Variants in FMN1 observed in about 807,000 individuals in gnomAD.
FMN1 encodes formin 1.
Under a neutral mutation model 132.4 loss-of-function variants are expected in FMN1, and 110 were observed. The observed-to-expected ratio is 0.83, with a 90% CI of 0.71 to 0.97. The LOEUF (loss-of-function observed/expected upper bound fraction) is 0.97. FMN1 is among the 50% of genes least tolerant of loss of function. The pLI is 0.00. For missense variants in FMN1, 1,792 were observed against 1,705.3 expected (o/e 1.05, Z -0.90); for synonymous variants, 722 against 651.7 (o/e 1.11, Z -1.64).
intron 4 of FMN1, among the ~76,000 whole-genome samples, chr15:33,122,355 C>G (rs1962646262): frequency 6.6e-6 from 1 of 152,124 alleles, no homozygotes; most frequent in African/African-American, 2.4e-5. Context: ...TTTTTTAACC[C>G]AGGCATGTAT....
chr15:33,107,387 C>A (rs2039527333), intron 4 of FMN1, among the ~76,000 whole-genome samples: 1 of 152,062 alleles, frequency 6.6e-6, no homozygotes, highest in Non-Finnish European at 1.5e-5. Flanking sequence ...TTCCTCAGAT[C>A]AAAATCCTCC....
chr15:32,808,202 A>T (rs11632119), intron 17 of FMN1, among the ~76,000 whole-genome samples: 36,582 of 152,214 alleles, frequency 0.24, 4,726 homozygotes, highest in Admixed American at 0.29. Context: ...CAGCCTACCA[A>T]GTGAAGCAGA....
chr15:33,111,353 T>C (rs1198401217), intron 4 of FMN1, among the ~76,000 whole-genome samples: 1 of 152,126 alleles, frequency 6.6e-6, no homozygotes, highest in African/African-American at 2.4e-5. Flanking sequence ...GTGAAGAAGT[T>C]GGGACTCTCA....
intron 16 of FMN1, among the ~76,000 whole-genome samples, chr15:32,871,502 T>G (rs1471232818): frequency 6.6e-6 from 1 of 152,232 alleles, no homozygotes; most frequent in Non-Finnish European, 1.5e-5. Flanking sequence ...CACTTAATTC[T>G]CCTGTAGTTG....
chr15:32,925,817 T>C (rs974189976), intron 10 of FMN1, among the ~76,000 whole-genome samples: 1 of 152,176 alleles, frequency 6.6e-6, no homozygotes, highest in Non-Finnish European at 1.5e-5. Context: ...TCTCAGTACT[T>C]TGGGAGGCCA....
chr15:32,964,455 C>T (rs1038827666), intron 8 of FMN1, among the ~76,000 whole-genome samples, 198 bp from the exon 9 acceptor site: 17 of 152,144 alleles, frequency 1.1e-4, no homozygotes, highest in Non-Finnish European at 1.6e-4. Flanking sequence ...AAAACACACA[C>T]AGACGTATTT....
At chr15:32,875,931 C>T (rs116174059) in intron 16 of FMN1, among the ~76,000 whole-genome samples, 2,819 of 152,268 alleles carry the variant, frequency 0.019, 74 homozygotes, top group African/African-American at 0.065. Flanking sequence ...TGGGTGATCC[C>T]GGCCATGCTG....
chr15:33,019,139 G>C (rs1022790533), intron 6 of FMN1, among the ~76,000 whole-genome samples: 2 of 152,032 alleles, frequency 1.3e-5, no homozygotes, highest in Admixed American at 1.3e-4. Context: ...AGAGCTGATT[G>C]GTCTGTTTTA....
intron 5 of FMN1, among the ~76,000 whole-genome samples, chr15:33,087,018 G>C (rs2038721843): frequency 6.6e-6 from 1 of 152,178 alleles, no homozygotes. Flanking sequence ...GAGAACACAA[G>C]GTTGTCAACA....
rs139290617 is a variant in FMN1 at position 33,099,357 on chromosome 15, A to C, written c.1868-10383T>G. On this transcript the variant is annotated intron_variant, in intron 4 of 20. Coordinates refer to ENST00000616417, the MANE Select transcript of FMN1 (RefSeq NM_001277313.2). ...GTGTCAGGACTCTGACTGACACAAT[A>C]ATTGGCATCAGGAATCATGTTTATT... 7.6e-4 allele frequency among the ~76,000 whole-genome samples: 116 copies of C among 152,290 alleles called. 1 individual carries two copies. The highest frequency in any genetic ancestry group is 6.8e-3 in the Middle Eastern group (2 of 294).
intron 3 of FMN1, among the ~76,000 whole-genome samples, chr15:33,173,675 T>C (rs570534574): frequency 6.6e-6 from 1 of 152,358 alleles, no homozygotes; most frequent in Admixed American, 6.5e-5. Flanking sequence ...ACGCCTGTAA[T>C]CCCAGCACAT....
At chr15:32,856,084 C>T (rs1244923499) in intron 17 of FMN1, among the ~76,000 whole-genome samples, 1 of 152,180 alleles carries the variant, frequency 6.6e-6, no homozygotes, top group African/African-American at 2.4e-5. Context: ...GTTCCTCTGA[C>T]TCATAGACTG....
chr15:32,951,140 A>T (rs186091719), intron 9 of FMN1, among the ~76,000 whole-genome samples: 95 of 152,310 alleles, frequency 6.2e-4, no homozygotes, highest in African/African-American at 2.0e-3. Flanking sequence ...TCACATTACC[A>T]AAATCGGTCA....
chr15:33,050,533 T>C (rs2036920770), intron 6 of FMN1, among the ~76,000 whole-genome samples: 1 of 152,174 alleles, frequency 6.6e-6, no homozygotes, highest in Admixed American at 6.5e-5. Flanking sequence ...CCAACACCAC[T>C]TATATCAGAA....
intron 5 of FMN1, chr15:33,067,839 G>C (rs2037818749): frequency 5.6e-6 from 9 of 1,613,768 alleles, no homozygotes; most frequent in East Asian, 4.5e-5. Context: ...GGTTTTGCTG[G>C]TTCTGACACA....
intron 5 of FMN1, among the ~76,000 whole-genome samples, chr15:33,083,331 T>C (rs1255377905): frequency 6.6e-6 from 1 of 152,228 alleles, no homozygotes; most frequent in Non-Finnish European, 1.5e-5. Flanking sequence ...AAGGGGCATC[T>C]TTTGTTATTC....
chr15:32,808,916 A>C (rs201824213), intron 17 of FMN1, among the ~76,000 whole-genome samples: 7 of 128,348 alleles, frequency 5.5e-5, no homozygotes, highest in Non-Finnish European at 1.2e-4. Context: ...TTTTTTTTTC[A>C]TTTCACTCAC....
chr15:32,845,220 C>G (rs527327803), intron 17 of FMN1, among the ~76,000 whole-genome samples: 1 of 152,122 alleles, frequency 6.6e-6, no homozygotes, highest in Non-Finnish European at 1.5e-5. Context: ...GGTGGCTAGG[C>G]CAATAATTAC....
intron 4 of FMN1, among the ~76,000 whole-genome samples, chr15:33,142,594 C>T (rs1349118571): frequency 1.3e-5 from 2 of 152,160 alleles, no homozygotes; most frequent in Non-Finnish European, 2.9e-5. Flanking sequence ...TCTTGCTCTG[C>T]TAGGTAATAT....
Sources: gnomAD v4.1 joint callset for allele counts (sites outside exome capture counted in the v4.1 genomes callset) on GRCh38, gnomAD v4.1.1 for gene constraint, MANE v1.5 for transcripts, NCBI Gene and HGNC (gene_info 2026-07-23, HGNC 2026-07-21) for gene names.